Variants in PKP4 observed in about 807,000 individuals in gnomAD.
The protein encoded by PKP4 is plakophilin 4, also known as plakophilin-4.
PKP4 carries 90 observed loss-of-function variants against 145.1 expected under a neutral mutation model. That is an observed-to-expected ratio of 0.62 (90% CI 0.52 to 0.74). The LOEUF (loss-of-function observed/expected upper bound fraction) is 0.74, where lower values mean the gene tolerates loss of function less well. PKP4 is among the 30% of genes least tolerant of loss of function. PKP4 has a pLI of 0.00. For missense variants in PKP4, 1,340 were observed against 1,482.7 expected, an observed-to-expected ratio of 0.90 and a Z score of 1.58; for synonymous variants, 563 against 577.2, an observed-to-expected ratio of 0.98 and a Z score of 0.35.
At chr2:158,564,739 A>G (rs978514907) in intron 2 of PKP4, among the ~76,000 whole-genome samples, 1 of 152,160 alleles carries the variant, frequency 6.6e-6, no homozygotes, top group African/African-American at 2.4e-5. Context: ...CTTACTAATG[A>G]AAGTGAGCAA....
chr2:158,663,175 G>T, intron 14 of PKP4, 87 bp downstream of exon 14: 1 of 1,499,354 alleles, frequency 6.7e-7, no homozygotes, highest in South Asian at 1.3e-5. Context: ...TAAATTTTCT[G>T]CATAGCTATA....
Position 158,635,357 on chromosome 2 carries a change from T to C in PKP4, c.1562+1068T>C, listed in dbSNP as rs1036447335. Among the ~76,000 whole-genome samples the C allele has an allele frequency of 2.6e-5, 4 of 152,216 alleles. No homozygotes were observed. The East Asian group carries it at 7.7e-4, about 29-fold the overall frequency. On this transcript the variant is annotated intron_variant, in intron 9 of 21. Coordinates refer to ENST00000389759, the MANE Select transcript of PKP4 (RefSeq NM_003628.6). ...CTGCTACTCCTGGTTTGCCACCTTT[T>C]TGTCATTTTTAAGGAGTTTCAAAAA...
intron 21 of PKP4, among the ~76,000 whole-genome samples, chr2:158,679,815 C>G (rs2058312769): frequency 6.6e-6 from 1 of 152,222 alleles, no homozygotes; most frequent in Non-Finnish European, 1.5e-5. Context: ...CCTAATTTTA[C>G]TATTCTTCTG....
intron 9 of PKP4, among the ~76,000 whole-genome samples, chr2:158,639,574 T>C (rs1352085710): frequency 1.3e-5 from 2 of 152,222 alleles, no homozygotes; most frequent in Non-Finnish European, 2.9e-5. Flanking sequence ...AATCAGAGTC[T>C]GCATATTTGT....
chr2:158,492,822 C>T (rs1242959740), intron 1 of PKP4, among the ~76,000 whole-genome samples: 1 of 152,146 alleles, frequency 6.6e-6, no homozygotes, highest in East Asian at 1.9e-4. Flanking sequence ...TGCAGACTAA[C>T]CAAAAGATGG....
At chr2:158,507,166 A>G (rs570483396) in intron 1 of PKP4, among the ~76,000 whole-genome samples, 18 of 152,132 alleles carry the variant, frequency 1.2e-4, no homozygotes, top group South Asian at 1.0e-3. Context: ...CTTGCTCCAT[A>G]TATTTTGCAG....
At chr2:158,606,595 T>C (rs945052529) in intron 4 of PKP4, among the ~76,000 whole-genome samples, 5 of 152,232 alleles carry the variant, frequency 3.3e-5, no homozygotes, top group South Asian at 2.1e-4. Context: ...AAATTACTTA[T>C]AATCAAGCTC....
intron 3 of PKP4, among the ~76,000 whole-genome samples, chr2:158,587,776 C>A (rs1429531520): frequency 6.6e-6 from 1 of 151,790 alleles, no homozygotes; most frequent in East Asian, 1.9e-4. Flanking sequence ...AAATTCAAGT[C>A]CCCTTTGCCA....
intron 1 of PKP4, among the ~76,000 whole-genome samples, chr2:158,504,695 T>C (rs1235587881): frequency 7.2e-5 from 11 of 152,210 alleles, no homozygotes; most frequent in African/African-American, 2.4e-4. Context: ...ACCAACTTTA[T>C]TACCTAATCT....
At chr2:158,621,498 C>G in intron 6 of PKP4, 77 bp downstream of exon 6, 1 of 1,290,828 alleles carries the variant, frequency 7.7e-7, no homozygotes, top group Non-Finnish European at 1.1e-6. Context: ...GTAATCCCAG[C>G]ATTTTGGGAG....
In PKP4 at chr2:158,621,360, T is replaced by A; in HGVS notation, c.542T>A (p.Ile181Lys). Residue 181 changes from isoleucine (I) to lysine (K), a missense_variant, in exon 6 of 22, where the codon ATA (isoleucine) becomes AAA (lysine). Transcript: ENST00000389759. Reference protein sequence around the residue: ...KADNRQQHSFIGSTNNHVVRN... With the variant: ...KADNRQQHSFKGSTNNHVVRN... ...GACAACAGACAGCAGCATTCATTCA[T>A]AGGATCAACTAACAACCATGTGGTG... 2 of 1,614,118 alleles carry A rather than the reference T, an allele frequency of 1.2e-6. No individual in the cohort carries two copies. The highest frequency in any genetic ancestry group is 1.7e-6 in the Non-Finnish European group (2 of 1,179,998).
At chr2:158,555,481 C>T (rs183816484) in intron 2 of PKP4, among the ~76,000 whole-genome samples, 10 of 152,306 alleles carry the variant, frequency 6.6e-5, no homozygotes, top group African/African-American at 2.4e-4. Context: ...GCTCTATTAG[C>T]ATCAATAACT....
chr2:158,603,704 A>G (rs2050414353), intron 4 of PKP4, among the ~76,000 whole-genome samples: 1 of 152,198 alleles, frequency 6.6e-6, no homozygotes, highest in African/African-American at 2.4e-5. Context: ...CACATAATGT[A>G]CCGGGTGCTG....
chr2:158,624,963 T>TG lies in PKP4; in HGVS notation c.690dup (p.Ser231ValfsTer13). On this transcript the variant is annotated frameshift_variant, in exon 7 of 22. Transcript: ENST00000389759. LOFTEE classifies it high-confidence loss of function. Reference sequence around the variant, plus strand: ...CCTTCTTATGTTATCAGCACAGGCGTGTCTCCTTCAAGGGGGTCTCTGAGA... The same window carrying TG: ...CCTTCTTATGTTATCAGCACAGGCGTGGTCTCCTTCAAGGGGGTCTCTGAGA... The TG allele has an allele frequency of 6.2e-7, 1 of 1,614,108 alleles. No individual in the cohort carries two copies. Among genetic ancestry groups the TG allele is most frequent in the Non-Finnish European group, 8.5e-7 (1 of 1,179,988 alleles).
Position 158,662,982 on chromosome 2 carries a change from A to C in PKP4, c.2297A>C (p.Asn766Thr). 6.2e-7 allele frequency: 1 copy of C among 1,614,024 alleles called. No individual in the cohort carries two copies. Among genetic ancestry groups the C allele is most frequent in the Non-Finnish European group, 8.5e-7 (1 of 1,179,982 alleles). Residue 766 changes from asparagine to threonine, a missense_variant, in exon 14 of 22, where the codon AAC (asparagine) becomes ACC (threonine). Physicochemically the swap from Asn to Thr is moderately conservative, Grantham distance 65 (BLOSUM62 0). Transcript: ENST00000389759. ...EVPQARLLGLNELDDLLGKES... is the reference protein window; with the variant it reads ...EVPQARLLGLTELDDLLGKES... ...CCCCAGGCCCGGTTACTGGGACTGA[A>C]CGAATTGGATGACTTACTAGGAAAA... is the stretch of plus-strand genomic sequence containing the variant.
chr2:158,480,797 C>G (rs1309416368), intron 1 of PKP4, among the ~76,000 whole-genome samples: 1 of 152,116 alleles, frequency 6.6e-6, no homozygotes, highest in East Asian at 1.9e-4. Flanking sequence ...TGGACAATCA[C>G]CATCCCTATC....
At chr2:158,532,899 T>G (rs2043699224) in intron 1 of PKP4, among the ~76,000 whole-genome samples, 1 of 152,246 alleles carries the variant, frequency 6.6e-6, no homozygotes, top group Admixed American at 6.5e-5. Context: ...TGGTAAAACA[T>G]TCTTCTCATG....
intron 2 of PKP4, among the ~76,000 whole-genome samples, chr2:158,562,528 T>TG (rs1334676377): frequency 6.6e-6 from 1 of 152,164 alleles, no homozygotes; most frequent in Admixed American, 6.5e-5. Context: ...TTTGGGATGA[T>TG]GAAAAAGTTC....
At chr2:158,460,562 C>A (rs1243878818) in intron 1 of PKP4, among the ~76,000 whole-genome samples, 1 of 152,144 alleles carries the variant, frequency 6.6e-6, no homozygotes, top group Non-Finnish European at 1.5e-5. Flanking sequence ...TAGTCTCTTA[C>A]CTGACTCTTT....
Sources: gnomAD v4.1 joint callset for allele counts (sites outside exome capture counted in the v4.1 genomes callset) on GRCh38, gnomAD v4.1.1 for gene constraint, MANE v1.5 for transcripts, NCBI Gene and HGNC (gene_info 2026-07-23, HGNC 2026-07-21) for gene names.